Variants in TBCA observed in about 807,000 individuals in gnomAD.
The protein encoded by TBCA is tubulin-specific chaperone A.
Under a neutral mutation model 15.8 loss-of-function variants are expected in TBCA, and 6 were observed. The ratio of observed to expected loss-of-function variants is 0.38; its 90% CI spans 0.21 to 0.75. The LOEUF is 0.75. Among genes scored for constraint, TBCA ranks in the 30% least tolerant of loss-of-function variants. The probability of loss-of-function intolerance (pLI) is 0.46; values close to 1 mark genes in which losing one functional copy is unlikely to be tolerated. For synonymous variants in TBCA, 32 were observed against 42.3 expected (o/e 0.76, Z 0.94); for missense variants, 90 against 131.2 (o/e 0.69, Z 1.53).
intron 1 of TBCA, 135 bp from the exon 2 acceptor site, chr5:77,708,482 A>C (rs1746200698): frequency 3.6e-6 from 2 of 555,394 alleles, no homozygotes; most frequent in East Asian, 5.9e-5. Context: ...AAGGAACAGA[A>C]GAAAAATAGT....
intron 2 of TBCA, chr5:77,705,556 G>A (rs1580095753): frequency 7.5e-6 from 3 of 398,464 alleles, no homozygotes; most frequent in Admixed American, 4.4e-5. Flanking sequence ...GCCAGGTAGG[G>A]GGGACTCACG....
chr5:77,747,456 A>G (rs538962394), intron 1 of TBCA, among the ~76,000 whole-genome samples: 9 of 152,274 alleles, frequency 5.9e-5, no homozygotes. Context: ...GCGTTCCTAA[A>G]AAGTATTCTG....
chr5:77,771,535 T>C lies in TBCA; in HGVS notation c.53+4670A>G, dbSNP rs975144222. Among the ~76,000 whole-genome samples, 6 of 152,176 alleles carry C rather than the reference T, an allele frequency of 3.9e-5. No homozygotes were observed. The South Asian group carries it at 1.0e-3, about 26-fold the overall frequency. The stretch of plus-strand genomic sequence containing the variant: ...AGGAACAAGACACTCACCGTAAACC[T>C]CCGGCCTATTTTCCCAGGGCCTAAA... On this transcript the variant is annotated intron_variant, in intron 1 of 3. Coordinates refer to ENST00000380377, the MANE Select transcript of TBCA (RefSeq NM_004607.3).
At chr5:77,698,478 TA>T (rs1166995418) in intron 2 of TBCA, among the ~76,000 whole-genome samples, 1 of 152,200 alleles carries the variant, frequency 6.6e-6, no homozygotes, top group Non-Finnish European at 1.5e-5. Context: ...ATTTAAAAAA[TA>T]CTTTTTCTCC....
At chr5:77,754,405 A>G (rs1238078227) in intron 1 of TBCA, among the ~76,000 whole-genome samples, 1 of 152,188 alleles carries the variant, frequency 6.6e-6, no homozygotes, top group African/African-American at 2.4e-5. Flanking sequence ...TTTTCCTACA[A>G]TGCGTTTTTT....
chr5:77,714,024 A>G (rs1304737915), intron 1 of TBCA, among the ~76,000 whole-genome samples: 4 of 150,728 alleles, frequency 2.7e-5, no homozygotes, highest in Non-Finnish European at 5.9e-5. Flanking sequence ...AAAAAACCCC[A>G]TCTATGTACA....
intron 1 of TBCA, among the ~76,000 whole-genome samples, chr5:77,717,794 T>G (rs1283837793): frequency 6.8e-6 from 1 of 148,128 alleles, no homozygotes; most frequent in Admixed American, 6.8e-5. Flanking sequence ...ATCGTGCCAT[T>G]ACACTCCAGC....
chr5:77,712,580 AAAC>A (rs1437145057), intron 1 of TBCA, among the ~76,000 whole-genome samples: 1 of 152,174 alleles, frequency 6.6e-6, no homozygotes, highest in Non-Finnish European at 1.5e-5. Context: ...AATTATAAAA[AAAC>A]AAAATTTTAA....
At chr5:77,701,666 G>C (rs1486720206) in intron 2 of TBCA, among the ~76,000 whole-genome samples, 1 of 124,946 alleles carries the variant, frequency 8.0e-6, no homozygotes, top group Non-Finnish European at 1.6e-5. Context: ...TCAACAAGTG[G>C]ATAAACTGTG....
In TBCA at chr5:77,751,098, G is replaced by GTA. The variant is rs1415695161; in HGVS notation, c.53+25105_53+25106dup. Among the ~76,000 whole-genome samples, 17 of 151,656 alleles carry GTA rather than the reference G, an allele frequency of 1.1e-4. No homozygotes were observed. The East Asian group carries it at 3.3e-3, about 29-fold the overall frequency. ...GTCTGTTGATGTTAATGCTGGAGGG[G>GTA]TATAATGAAGCCTGTCTGACTCCCA... On this transcript the variant is annotated intron_variant, in intron 1 of 3. Coordinates refer to ENST00000380377, the MANE Select transcript of TBCA (RefSeq NM_004607.3).
chr5:77,717,553 G>C (rs973096915), intron 1 of TBCA, among the ~76,000 whole-genome samples: 3 of 152,142 alleles, frequency 2.0e-5, no homozygotes, highest in African/African-American at 7.2e-5. Flanking sequence ...CTTTTAGTCG[G>C]GCGCAGTGGC....
intron 1 of TBCA, among the ~76,000 whole-genome samples, chr5:77,753,662 T>G (rs1747408053): frequency 6.6e-6 from 1 of 152,242 alleles, no homozygotes; most frequent in South Asian, 2.1e-4. Context: ...ACATCTTGTT[T>G]TAACCAATTA....
chr5:77,691,845 GGAA>G (rs1350257389), intron 3 of TBCA: 4 of 1,002,166 alleles, frequency 4.0e-6, no homozygotes, highest in Non-Finnish European at 3.6e-6. Flanking sequence ...AAAGTAAAAA[GGAA>G]GATTTACTAA....
In TBCA at chr5:77,759,960, T is replaced by G. The variant is rs7721063; in HGVS notation, c.53+16245A>C. ...CTATTCTACCTCCTAAGAGCTAAGA[T>G]GAGAAACTAGAACAGAAGCAATGTC... is the stretch of plus-strand genomic sequence containing the variant. On this transcript the variant is annotated intron_variant, in intron 1 of 3. Coordinates refer to ENST00000380377, the MANE Select transcript of TBCA (RefSeq NM_004607.3). 3.9e-3 allele frequency among the ~76,000 whole-genome samples: 587 copies of G among 152,326 alleles called. 4 individuals are homozygous for G. Among genetic ancestry groups the G allele is most frequent in the African/African-American group, 0.012 (496 of 41,574 alleles).
At chr5:77,768,937 C>CA (rs1305895507) in intron 1 of TBCA, among the ~76,000 whole-genome samples, 1 of 152,044 alleles carries the variant, frequency 6.6e-6, no homozygotes, top group Non-Finnish European at 1.5e-5. Flanking sequence ...TCCAACCAAA[C>CA]AAAAAAATGC....
Position 77,759,805 on chromosome 5 carries a change from T to A in TBCA, c.53+16400A>T, listed in dbSNP as rs146062581. 1.3e-4 allele frequency among the ~76,000 whole-genome samples: 20 copies of A among 152,342 alleles called. No homozygotes were observed. In the East Asian group the frequency reaches 3.1e-3, roughly 23 times the overall value. On this transcript the variant is annotated intron_variant, in intron 1 of 3. Coordinates refer to ENST00000380377, the MANE Select transcript of TBCA (RefSeq NM_004607.3). ...AACATGATTCACAGAATACTATGTA[T>A]ACTTTGTATAAGTATGTATACTTAT...
At chr5:77,696,770 T>C (rs1389888714) in intron 2 of TBCA, among the ~76,000 whole-genome samples, 1 of 151,920 alleles carries the variant, frequency 6.6e-6, no homozygotes, top group Non-Finnish European at 1.5e-5. Context: ...AAATAAAAAT[T>C]AGGTGAGTGT....
chr5:77,721,570 G>C (rs949191172), intron 1 of TBCA, among the ~76,000 whole-genome samples: 5 of 152,212 alleles, frequency 3.3e-5, no homozygotes, highest in African/African-American at 1.2e-4. Flanking sequence ...TTTGGTATAT[G>C]TTAAAGGGTC....
chr5:77,730,645 CA>C (rs1348385198), intron 1 of TBCA, among the ~76,000 whole-genome samples: 1 of 134,530 alleles, frequency 7.4e-6, no homozygotes, highest in Non-Finnish European at 1.7e-5. Flanking sequence ...TAGGATGGCA[CA>C]AGAACATAAA....
Sources: allele counts gnomAD v4.1 joint callset (sites outside exome capture counted in the v4.1 genomes callset), GRCh38; gene constraint gnomAD v4.1.1; transcripts MANE v1.5; gene names NCBI Gene and HGNC (gene_info 2026-07-23, HGNC 2026-07-21).